NANOS2: variants seen among roughly 807,000 people sequenced by gnomAD.
NANOS2 encodes the protein nanos C2HC-type zinc finger 2.
In NANOS2, 3 loss-of-function variants were observed where a neutral mutation model predicts 6.4. The ratio of observed to expected loss-of-function variants is 0.47; its 90% CI spans 0.22 to 1.22. NANOS2 has a LOEUF of 1.22. NANOS2 is among the 50% of genes most tolerant of loss of function. The probability of loss-of-function intolerance (pLI) is 0.22; values close to 1 mark genes in which losing one functional copy is unlikely to be tolerated. For missense variants in NANOS2, 177 were observed against 191.0 expected, an observed-to-expected ratio of 0.93 and a Z score of 0.43; for synonymous variants, 86 against 85.6, an observed-to-expected ratio of 1.00 and a Z score of -0.03.
chr19:45,914,423 GAC>G lies in NANOS2; in HGVS notation c.269_270del (p.Cys90SerfsTer16). The G allele has an allele frequency of 6.2e-7, 1 of 1,614,170 alleles. No individual in the cohort carries two copies. Among genetic ancestry groups the G allele is most frequent in the Non-Finnish European group, 8.5e-7 (1 of 1,180,008 alleles). On this transcript the variant is annotated frameshift_variant, in exon 1 of 1. Coordinates refer to ENST00000341294, the MANE Select transcript of NANOS2 (RefSeq NM_001029861.3). LOFTEE classifies it high-confidence loss of function. Reference protein sequence around the residue: ...QLKTPDGVVVCPILRHYVCPV... With the variant: ...QLKTPDGVVVXPILRHYVCPV... The stretch of plus-strand genomic sequence containing the variant: ...GGACACACGTAGTGCCTCAGGATGG[GAC>G]ACACCACCACGCCATCCGGTGTCTT...
At position 45,914,755 on chromosome 19, in the gene NANOS2, G is replaced by C; in HGVS notation, c.-62C>G. 1 of 1,500,732 alleles carries C rather than the reference G, an allele frequency of 6.7e-7. No homozygotes were observed. Among genetic ancestry groups the C allele is most frequent in the Non-Finnish European group, 9.0e-7 (1 of 1,108,470 alleles). The allele number at this position is 1,500,732 out of a possible 1,614,324, so 93.0% of individuals were successfully genotyped here. ...GCTGGGGCTGGGGGCCCGTGGGCAA[G>C]GGCAAGAGCAGCAGGCGTTTCCCAG... is the stretch of plus-strand genomic sequence containing the variant. On this transcript the variant is annotated 5_prime_UTR_variant, in exon 1 of 1. Transcript: ENST00000341294.
chr19:45,914,739 G>T lies in NANOS2; in HGVS notation c.-46C>A. ...GGGCCACAGGAGAGGGGCTGGGGCT[G>T]GGGGCCCGTGGGCAAGGGCAAGAGC... On this transcript the variant is annotated 5_prime_UTR_variant, in exon 1 of 1. Transcript: ENST00000341294. 1 of 1,546,876 alleles carries T rather than the reference G, an allele frequency of 6.5e-7. No homozygotes were observed. The highest frequency in any genetic ancestry group is 1.2e-5 in the South Asian group (1 of 81,860).
chr19:45,914,709 G>C lies in NANOS2; in HGVS notation c.-16C>G. The C allele has an allele frequency of 6.3e-7, 1 of 1,597,630 alleles. No homozygotes were observed. Among genetic ancestry groups the C allele is most frequent in the Non-Finnish European group, 8.5e-7 (1 of 1,170,058 alleles). On this transcript the variant is annotated 5_prime_UTR_variant, in exon 1 of 1. Transcript: ENST00000341294. The stretch of plus-strand genomic sequence containing the variant: ...GCAGCTGCATGGCACCAAAGCAGGG[G>C]TGGTGGGCCACAGGAGAGGGGCTGG...
rs1967453010 is a variant in NANOS2 at position 45,914,755 on chromosome 19, G to A, written c.-62C>T. The A allele has an allele frequency of 6.7e-7, 1 of 1,500,732 alleles. No homozygotes were observed. Among genetic ancestry groups the A allele is most frequent in the Non-Finnish European group, 9.0e-7 (1 of 1,108,470 alleles). 93.0% of individuals were successfully genotyped at this position (1,500,732 alleles called of 1,614,324 possible). A position where few individuals can be genotyped will look rare whatever the true frequency, so the allele number is the denominator to read the frequency against. On this transcript the variant is annotated 5_prime_UTR_variant, in exon 1 of 1. Transcript: ENST00000341294. ...GCTGGGGCTGGGGGCCCGTGGGCAA[G>A]GGCAAGAGCAGCAGGCGTTTCCCAG... is the stretch of plus-strand genomic sequence containing the variant.
At position 45,914,389 on chromosome 19, in the gene NANOS2, C is replaced by T; in HGVS notation, c.305G>A (p.Gly102Glu). 3 of 1,614,158 alleles carry T rather than the reference C, an allele frequency of 1.9e-6. No homozygotes were observed. Among genetic ancestry groups the T allele is most frequent in the Non-Finnish European group, 2.5e-6 (3 of 1,180,012 alleles). Reference sequence around the variant, plus strand: ...CGTATGGGCCTGGTCACCGGTGGCCCCGCACACGGGACACACGTAGTGCCT... The same window carrying T: ...CGTATGGGCCTGGTCACCGGTGGCCTCGCACACGGGACACACGTAGTGCCT... ...ILRHYVCPVCGATGDQAHTLK... is the reference protein window; with the variant it reads ...ILRHYVCPVCEATGDQAHTLK... The change falls in exon 1 of 1, where the codon GGG becomes GAG. Residue 102 changes from glycine to glutamate, a missense_variant. Coordinates refer to ENST00000341294, the MANE Select transcript of NANOS2 (RefSeq NM_001029861.3).
Position 45,914,281 on chromosome 19 carries a change from C to G in NANOS2, c.413G>C (p.Arg138Pro), listed in dbSNP as rs764015388. The change falls in exon 1 of 1, where the codon CGC (arginine) becomes CCC (proline). Residue 138 changes from arginine to proline, a missense_variant. Coordinates refer to ENST00000341294, the MANE Select transcript of NANOS2 (RefSeq NM_001029861.3). Reference sequence around the variant, plus strand: ...GTGGTGAGCATCTCACGATGCTCAGCGCTTGACCCTGCGTCCGGCCGAGTT... The same window carrying G: ...GTGGTGAGCATCTCACGATGCTCAGGGCTTGACCCTGCGTCCGGCCGAGTT... ...GRNSAGRRVK[R>P] 1 of 1,610,986 alleles carries G rather than the reference C, an allele frequency of 6.2e-7. No individual in the cohort carries two copies. Among genetic ancestry groups the G allele is most frequent in the Non-Finnish European group, 8.5e-7 (1 of 1,178,672 alleles).
In NANOS2 at chr19:45,914,428, A is replaced by G. The variant is rs1296955987; in HGVS notation, c.266T>C (p.Val89Ala). The G allele has an allele frequency of 6.2e-7, 1 of 1,614,186 alleles. No homozygotes were observed. Among genetic ancestry groups the G allele is most frequent in the Admixed American group, 1.7e-5 (1 of 60,032 alleles). The change falls in exon 1 of 1, where the codon GTG becomes GCG. Residue 89 changes from valine to alanine, a missense_variant. Val to Ala is a moderately conservative substitution (Grantham distance 64). Coordinates refer to ENST00000341294, the MANE Select transcript of NANOS2 (RefSeq NM_001029861.3). ...HQLKTPDGVVVCPILRHYVCP... is the reference protein window; with the variant it reads ...HQLKTPDGVVACPILRHYVCP... ...CACGTAGTGCCTCAGGATGGGACAC[A>G]CCACCACGCCATCCGGTGTCTTCAG...
At position 45,913,254 on chromosome 19, in the gene NANOS2, C is replaced by G. The variant is rs1967430787; in HGVS notation, c.*1023G>C. ...GAAAACCTTTTTATTCACCAGAGCT[C>G]AATACTCAGGGTCCCGACCCTGTGC... On this transcript the variant is annotated 3_prime_UTR_variant, in exon 1 of 1. Transcript: ENST00000341294. The G allele has an allele frequency of 6.6e-6, 1 of 152,084 alleles. No individual in the cohort carries two copies. The highest frequency in any genetic ancestry group is 1.5e-5 in the Non-Finnish European group (1 of 68,032). 9.4% of individuals were successfully genotyped at this position (152,084 alleles called of 1,614,324 possible).
At position 45,914,300 on chromosome 19, in the gene NANOS2, C is replaced by A; in HGVS notation, c.394G>T (p.Ala132Ser). 1 of 1,613,150 alleles carries A rather than the reference C, an allele frequency of 6.2e-7. No homozygotes were observed. The highest frequency in any genetic ancestry group is 8.5e-7 in the Non-Finnish European group (1 of 1,179,694). The change falls in exon 1 of 1, where the codon GCC becomes TCC. Residue 132 changes from alanine to serine, a missense_variant. Ala to Ser is a moderately conservative substitution (Grantham distance 99). Coordinates refer to ENST00000341294, the MANE Select transcript of NANOS2 (RefSeq NM_001029861.3). ...SLYRRSGRNS[A>S]GRRVKR ...GCTCAGCGCTTGACCCTGCGTCCGGCCGAGTTGCGCCCGCTGCGGCGGTAG... is the reference window on the plus strand; with the variant it reads ...GCTCAGCGCTTGACCCTGCGTCCGGACGAGTTGCGCCCGCTGCGGCGGTAG...
At position 45,913,392 on chromosome 19, in the gene NANOS2, G is replaced by A. The variant is rs1030258413; in HGVS notation, c.*885C>T. 1.3e-5 allele frequency: 2 copies of A among 152,024 alleles called. No homozygotes were observed. Among genetic ancestry groups the A allele is most frequent in the African/African-American group, 4.8e-5 (2 of 41,366 alleles). The allele number at this position is 152,024 out of a possible 1,614,324, so 9.4% of individuals were successfully genotyped here. A position where few individuals can be genotyped will look rare whatever the true frequency, so the allele number is the denominator to read the frequency against. On this transcript the variant is annotated 3_prime_UTR_variant, in exon 1 of 1. Coordinates refer to ENST00000341294, the MANE Select transcript of NANOS2 (RefSeq NM_001029861.3). ...GTACTCAAACCCCCTTCTTATCGGC[G>A]GTTCCTTGACTTGAACGTTGGAGGT...
chr19:45,914,153 G>T lies in NANOS2; in HGVS notation c.*124C>A. 1 of 1,001,368 alleles carries T rather than the reference G, an allele frequency of 1.0e-6. No homozygotes were observed. Among genetic ancestry groups the T allele is most frequent in the Non-Finnish European group, 1.4e-6 (1 of 694,270 alleles). 62.0% of individuals were successfully genotyped at this position (1,001,368 alleles called of 1,614,324 possible). The stretch of plus-strand genomic sequence containing the variant: ...GCAGCCTCCACTGTTTCAGGATCCA[G>T]CCAGGGTGGAGTTCTGGGGGCCAGA... On this transcript the variant is annotated 3_prime_UTR_variant, in exon 1 of 1. Transcript: ENST00000341294.
Position 45,914,336 on chromosome 19 carries a change from G to C in NANOS2, c.358C>G (p.Gln120Glu). The C allele has an allele frequency of 6.2e-7, 1 of 1,613,928 alleles. No homozygotes were observed. The highest frequency in any genetic ancestry group is 8.5e-7 in the Non-Finnish European group (1 of 1,179,978). Residue 120 changes from glutamine to glutamate, a missense_variant, in exon 1 of 1, where the codon CAG (glutamine) becomes GAG (glutamate). Transcript: ENST00000341294. ...CCGCTGCGGCGGTAGAGGGACTGCT[G>C]GCCACCGTTAAGCGGGCAGTACTTG... is the stretch of plus-strand genomic sequence containing the variant. ...TLKYCPLNGG[Q>E]QSLYRRSGRN...
Position 45,914,499 on chromosome 19 carries a change from G to T in NANOS2, c.195C>A (p.Phe65Leu). 6.2e-7 allele frequency: 1 copy of T among 1,614,098 alleles called. No individual in the cohort carries two copies. The highest frequency in any genetic ancestry group is 8.5e-7 in the Non-Finnish European group (1 of 1,179,970). Reference sequence around the variant, plus strand: ...GGCGGGACTCCCCGTTGTGCTTGCAGAAGTTGCACAGGGTCCCCAGGCCCC... The same window carrying T: ...GGCGGGACTCCCCGTTGTGCTTGCATAAGTTGCACAGGGTCCCCAGGCCCC... ...ANGGLGTLCN[F>L]CKHNGESRHV... The change falls in exon 1 of 1, where the codon TTC becomes TTA. Residue 65 changes from phenylalanine to leucine, a missense_variant. Coordinates refer to ENST00000341294, the MANE Select transcript of NANOS2 (RefSeq NM_001029861.3).
rs1356228097 is a variant in NANOS2, at chr19:45,914,040, G to A, written c.*237C>T. 5 of 560,272 alleles carry A rather than the reference G, an allele frequency of 8.9e-6. No individual in the cohort carries two copies. Among genetic ancestry groups the A allele is most frequent in the Admixed American group, 3.0e-5 (1 of 33,018 alleles). The allele number at this position is 560,272 out of a possible 1,614,324, so 34.7% of individuals were successfully genotyped here. ...ACAGGGCCGTGCAGGAAGGGTTCCCGCGGCACCAAGGACCCTCAGGCCAAC... is the reference window on the plus strand; with the variant it reads ...ACAGGGCCGTGCAGGAAGGGTTCCCACGGCACCAAGGACCCTCAGGCCAAC... On this transcript the variant is annotated 3_prime_UTR_variant, in exon 1 of 1. Transcript: ENST00000341294.
In NANOS2 at chr19:45,914,309, G is replaced by A; in HGVS notation, c.385C>T (p.Arg129Cys). The change falls in exon 1 of 1, where the codon CGC becomes TGC. Residue 129 changes from arginine (R) to cysteine (C), a missense_variant. Coordinates refer to ENST00000341294, the MANE Select transcript of NANOS2 (RefSeq NM_001029861.3). Reference protein sequence around the residue: ...GQQSLYRRSGRNSAGRRVKR With the variant: ...GQQSLYRRSGCNSAGRRVKR ...TTGACCCTGCGTCCGGCCGAGTTGCGCCCGCTGCGGCGGTAGAGGGACTGC... is the reference window on the plus strand; with the variant it reads ...TTGACCCTGCGTCCGGCCGAGTTGCACCCGCTGCGGCGGTAGAGGGACTGC... 1 of 1,613,432 alleles carries A rather than the reference G, an allele frequency of 6.2e-7. No homozygotes were observed. Among genetic ancestry groups the A allele is most frequent in the Non-Finnish European group, 8.5e-7 (1 of 1,179,816 alleles).
In NANOS2 at chr19:45,914,709, G is replaced by A. The variant is rs1010092063; in HGVS notation, c.-16C>T. The A allele has an allele frequency of 1.9e-6, 3 of 1,597,512 alleles. No homozygotes were observed. The highest frequency in any genetic ancestry group is 3.4e-5 in the Admixed American group (2 of 58,980). On this transcript the variant is annotated 5_prime_UTR_variant, in exon 1 of 1. Coordinates refer to ENST00000341294, the MANE Select transcript of NANOS2 (RefSeq NM_001029861.3). ...GCAGCTGCATGGCACCAAAGCAGGG[G>A]TGGTGGGCCACAGGAGAGGGGCTGG...
At position 45,913,822 on chromosome 19, in the gene NANOS2, T is replaced by G; in HGVS notation, c.*455A>C. 1 of 165,468 alleles carries G rather than the reference T, an allele frequency of 6.0e-6. No homozygotes were observed. The highest frequency in any genetic ancestry group is 1.7e-4 in the South Asian group (1 of 5,754). 10.2% of individuals were successfully genotyped at this position (165,468 alleles called of 1,614,324 possible). A position where few individuals can be genotyped will look rare whatever the true frequency, so the allele number is the denominator to read the frequency against. ...TTAAGTCGACATCCCATCTTGAAGT[T>G]CTTGAGTAGGCACTTCTCAGCCAGC... On this transcript the variant is annotated 3_prime_UTR_variant, in exon 1 of 1. Coordinates refer to ENST00000341294, the MANE Select transcript of NANOS2 (RefSeq NM_001029861.3).
chr19:45,914,289 C>T lies in NANOS2; in HGVS notation c.405G>A (p.Arg135=). The T allele has an allele frequency of 6.2e-7, 1 of 1,612,438 alleles. No individual in the cohort carries two copies. The highest frequency in any genetic ancestry group is 1.1e-5 in the South Asian group (1 of 90,896). Residue 135 remains arginine (R), a synonymous_variant, in exon 1 of 1, where the codon AGG becomes AGA. Coordinates refer to ENST00000341294, the MANE Select transcript of NANOS2 (RefSeq NM_001029861.3). ...RRSGRNSAGR[R]VKR ...CATCTCACGATGCTCAGCGCTTGAC[C>T]CTGCGTCCGGCCGAGTTGCGCCCGC...
In NANOS2 at chr19:45,914,037, C is replaced by T. The variant is rs1291395442; in HGVS notation, c.*240G>A. 2 of 559,722 alleles carry T rather than the reference C, an allele frequency of 3.6e-6. No individual in the cohort carries two copies. The highest frequency in any genetic ancestry group is 3.0e-5 in the Admixed American group (1 of 33,030). The allele number at this position is 559,722 out of a possible 1,614,324, so 34.7% of individuals were successfully genotyped here. A position where few individuals can be genotyped will look rare whatever the true frequency, so the allele number is the denominator to read the frequency against. On this transcript the variant is annotated 3_prime_UTR_variant, in exon 1 of 1. Transcript: ENST00000341294. Reference sequence around the variant, plus strand: ...GCTACAGGGCCGTGCAGGAAGGGTTCCCGCGGCACCAAGGACCCTCAGGCC... The same window carrying T: ...GCTACAGGGCCGTGCAGGAAGGGTTTCCGCGGCACCAAGGACCCTCAGGCC...
Sources: allele counts gnomAD v4.1 joint callset, GRCh38; gene constraint gnomAD v4.1.1; transcripts MANE v1.5; gene names NCBI Gene and HGNC (gene_info 2026-07-23, HGNC 2026-07-21).